Variants in SH3BGRL2 observed in about 807,000 individuals in gnomAD.
SH3BGRL2 encodes the protein SH3 domain-binding glutamic acid-rich-like protein 2.
In SH3BGRL2, 21 loss-of-function variants were observed where a neutral mutation model predicts 14.8. The ratio of observed to expected loss-of-function variants is 1.42; its 90% CI spans 1.01 to 2.05. SH3BGRL2 has a LOEUF of 2.05. SH3BGRL2 is among the 30% of genes most tolerant of loss of function. SH3BGRL2 has a pLI of 0.00. For synonymous variants in SH3BGRL2, 50 were observed against 47.8 expected, an observed-to-expected ratio of 1.05 and a Z score of -0.19; for missense variants, 147 against 130.8, an observed-to-expected ratio of 1.12 and a Z score of -0.61.
the SH3BGRL2 span, among the ~76,000 whole-genome samples, chr6:79,580,525 C>T: frequency 2.0e-5 from 3 of 152,296 alleles, no homozygotes; most frequent in South Asian, 6.2e-4. Context: ...ATCTGAACAA[C>T]TTGCTTCTGA....
At chr6:79,676,522 C>T (rs1020310976) in intron 2 of SH3BGRL2, among the ~76,000 whole-genome samples, 1 of 151,868 alleles carries the variant, frequency 6.6e-6, no homozygotes, top group African/African-American at 2.4e-5. Flanking sequence ...TTTCTAAGAT[C>T]TTTCACCATT....
At chr6:79,645,620 T>C (rs1206847660) in intron 1 of SH3BGRL2, among the ~76,000 whole-genome samples, 2 of 152,240 alleles carry the variant, frequency 1.3e-5, no homozygotes, top group Non-Finnish European at 2.9e-5. Context: ...TCTATGTCTA[T>C]CAAAAGTGGG....
intron 1 of SH3BGRL2, among the ~76,000 whole-genome samples, chr6:79,662,722 A>G (rs1360277713): frequency 6.6e-6 from 1 of 152,008 alleles, no homozygotes; most frequent in Non-Finnish European, 1.5e-5. Context: ...GTTCTCCTGG[A>G]TAATATCCTG....
chr6:79,565,820 C>T, the SH3BGRL2 span, among the ~76,000 whole-genome samples: 1 of 152,234 alleles, frequency 6.6e-6, no homozygotes, highest in African/African-American at 2.4e-5. Flanking sequence ...CCTCTCTAAA[C>T]TTCCCCCAAC....
the SH3BGRL2 span, among the ~76,000 whole-genome samples, chr6:79,564,853 G>A: frequency 1.3e-5 from 2 of 152,052 alleles, no homozygotes; most frequent in Non-Finnish European, 2.9e-5. Context: ...TATCTGACCC[G>A]TAATATTCTC....
chr6:79,549,612 A>G, the SH3BGRL2 span, among the ~76,000 whole-genome samples: 47,259 of 152,032 alleles, frequency 0.31, 7,613 homozygotes, highest in Middle Eastern at 0.48. Context: ...AGGCTATACC[A>G]TATAGCCGAG....
intron 1 of SH3BGRL2, among the ~76,000 whole-genome samples, chr6:79,662,086 T>G (rs1327812889): frequency 2.6e-5 from 4 of 152,246 alleles, no homozygotes; most frequent in Non-Finnish European, 5.9e-5. Flanking sequence ...TGATGGATCT[T>G]GACTCTTTAT....
At chr6:79,618,689 C>T in the SH3BGRL2 span, among the ~76,000 whole-genome samples, 3 of 151,422 alleles carry the variant, frequency 2.0e-5, no homozygotes, top group Middle Eastern at 3.4e-3. Flanking sequence ...CTGGCCAAGG[C>T]GGGTGGATCA....
chr6:79,642,719 A>G (rs576383231), intron 1 of SH3BGRL2, among the ~76,000 whole-genome samples: 137 of 152,332 alleles, frequency 9.0e-4, no homozygotes, highest in African/African-American at 3.2e-3. Context: ...GTAACCGGGA[A>G]AAGGAATATG....
At chr6:79,620,729 G>C in the SH3BGRL2 span, among the ~76,000 whole-genome samples, 1 of 152,066 alleles carries the variant, frequency 6.6e-6, no homozygotes, top group African/African-American at 2.4e-5. Context: ...AGGAGAAAGG[G>C]AGAGGATTGG....
At chr6:79,543,376 C>G in the SH3BGRL2 span, among the ~76,000 whole-genome samples, 1 of 152,090 alleles carries the variant, frequency 6.6e-6, no homozygotes, top group Non-Finnish European at 1.5e-5. Context: ...TGTAGCTAAC[C>G]TATTGGACAA....
chr6:79,680,378 T>C (rs1313257247), intron 2 of SH3BGRL2, among the ~76,000 whole-genome samples: 1 of 152,186 alleles, frequency 6.6e-6, no homozygotes, highest in East Asian at 1.9e-4. Flanking sequence ...CTTGTCTGTT[T>C]ATTTGACCAT....
In SH3BGRL2 at chr6:79,703,160, GCATGGAT is replaced by G. The variant is rs1174439257; in HGVS notation, c.*3654_*3660del. 6.6e-6 allele frequency: 1 copy of G among 152,130 alleles called. No homozygotes were observed. Among genetic ancestry groups the G allele is most frequent in the Non-Finnish European group, 1.5e-5 (1 of 68,034 alleles). 9.4% of individuals were successfully genotyped at this position (152,130 alleles called of 1,614,324 possible). ...GTTTGTTTGTTCATCCTTTCTGTCA[GCATGGAT>G]CAAGCCCCTAAAATGTGGTAAGTGT... On this transcript the variant is annotated 3_prime_UTR_variant, in exon 4 of 4. Coordinates refer to ENST00000369838, the MANE Select transcript of SH3BGRL2 (RefSeq NM_031469.4).
chr6:79,542,716 C>T, the SH3BGRL2 span, among the ~76,000 whole-genome samples: 1 of 152,014 alleles, frequency 6.6e-6, no homozygotes, highest in Non-Finnish European at 1.5e-5. Flanking sequence ...AGTTCCTTCT[C>T]AATGTCTCTG....
At chr6:79,590,424 G>GAGATATAT in the SH3BGRL2 span, among the ~76,000 whole-genome samples, 47 of 66,680 alleles carry the variant, frequency 7.0e-4, 1 homozygote, top group African/African-American at 2.9e-3. Flanking sequence ...AAGAAAATGT[G>GAGATATAT]ATATATATAT....
At chr6:79,678,422 C>G (rs1769926861) in intron 2 of SH3BGRL2, among the ~76,000 whole-genome samples, 1 of 152,164 alleles carries the variant, frequency 6.6e-6, no homozygotes, top group African/African-American at 2.4e-5. Flanking sequence ...TTTCACTTAG[C>G]ATATCTTCAA....
chr6:79,582,877 A>G, the SH3BGRL2 span, among the ~76,000 whole-genome samples: 1 of 152,208 alleles, frequency 6.6e-6, no homozygotes, highest in African/African-American at 2.4e-5. Context: ...AATTTTTGCA[A>G]TCTACCCATC....
At chr6:79,592,786 G>A in the SH3BGRL2 span, among the ~76,000 whole-genome samples, 1 of 152,168 alleles carries the variant, frequency 6.6e-6, no homozygotes, top group African/African-American at 2.4e-5. Flanking sequence ...TACCACACGT[G>A]TATGAGGTAG....
chr6:79,547,517 T>G, the SH3BGRL2 span, among the ~76,000 whole-genome samples: 1 of 152,084 alleles, frequency 6.6e-6, no homozygotes, highest in Non-Finnish European at 1.5e-5. Context: ...AGGCCCGTGT[T>G]GCCTCCCTAC....
Sources: allele counts gnomAD v4.1 joint callset (sites outside exome capture counted in the v4.1 genomes callset), GRCh38; gene constraint gnomAD v4.1.1; transcripts MANE v1.5; gene names NCBI Gene and HGNC (gene_info 2026-07-23, HGNC 2026-07-21).